Variants in ABLIM1 observed in about 807,000 individuals in gnomAD.
ABLIM1 encodes actin-binding LIM protein 1.
ABLIM1 carries 40 observed loss-of-function variants against 107.0 expected under a neutral mutation model. The observed-to-expected ratio is 0.37, with a 90% CI of 0.29 to 0.49. The LOEUF (loss-of-function observed/expected upper bound fraction) is 0.49, where lower values mean the gene tolerates loss of function less well. Ranked by LOEUF, ABLIM1 falls within the 20% of genes least tolerant of loss-of-function variation. The pLI is 0.97. For synonymous variants in ABLIM1, 357 were observed against 357.3 expected (o/e 1.00, Z 0.01); for missense variants, 857 against 1,008.5 (o/e 0.85, Z 2.04).
chr10:114,431,899 A>G lies in ABLIM1; in HGVS notation c.*4361T>C, dbSNP rs886517324. On this transcript the variant is annotated 3_prime_UTR_variant, in exon 23 of 23. Transcript: ENST00000533213. ...TTTCCATGATTAAACTTGCCCAAAT[A>G]AAAACATAACAATCCATATGCAAAG... is the stretch of plus-strand genomic sequence containing the variant. 6.6e-6 allele frequency: 1 copy of G among 152,182 alleles called. No individual in the cohort carries two copies. The allele number at this position is 152,182 out of a possible 1,614,324, so 9.4% of individuals were successfully genotyped here.
At chr10:114,718,107 AAAAG>A (rs148191988) in intron 1 of ABLIM1, among the ~76,000 whole-genome samples, 2,394 of 52,112 alleles carry the variant, frequency 0.046, 210 homozygotes, top group Non-Finnish European at 0.076. Context: ...AAGAAAAAGA[AAAAG>A]AAAGAAAGAA....
At chr10:114,578,149 A>C (rs944587345) in intron 2 of ABLIM1, among the ~76,000 whole-genome samples, 1 of 152,068 alleles carries the variant, frequency 6.6e-6, no homozygotes, top group African/African-American at 2.4e-5. Context: ...CTATAACTTT[A>C]TGCGAGGGAT....
intron 2 of ABLIM1, among the ~76,000 whole-genome samples, chr10:114,583,334 C>T (rs1187900975): frequency 6.9e-6 from 1 of 144,412 alleles, no homozygotes; most frequent in Non-Finnish European, 1.5e-5. Flanking sequence ...ACGGCTATTA[C>T]TAAAAAGTCA....
chr10:114,676,940 T>G (rs551313557), intron 1 of ABLIM1, among the ~76,000 whole-genome samples: 12 of 152,286 alleles, frequency 7.9e-5, no homozygotes, highest in African/African-American at 2.9e-4. Flanking sequence ...TTCTCCATGT[T>G]GGCCAGGCTG....
At chr10:114,605,699 A>G (rs2076363345) in intron 1 of ABLIM1, among the ~76,000 whole-genome samples, 1 of 152,172 alleles carries the variant, frequency 6.6e-6, no homozygotes, top group Non-Finnish European at 1.5e-5. Flanking sequence ...AACAATGAGG[A>G]AATACCTACA....
intron 1 of ABLIM1, among the ~76,000 whole-genome samples, chr10:114,691,124 CAG>C (rs1490730387): frequency 6.6e-6 from 1 of 152,052 alleles, no homozygotes; most frequent in Non-Finnish European, 1.5e-5. Flanking sequence ...AGCCTAAAGA[CAG>C]TAATTTTTTT....
chr10:114,506,065 T>C (rs1224599977), intron 6 of ABLIM1, among the ~76,000 whole-genome samples: 2 of 152,206 alleles, frequency 1.3e-5, no homozygotes, highest in Non-Finnish European at 2.9e-5. Flanking sequence ...CCCACCTTTG[T>C]GTCCATGTGT....
rs914267597 is a variant in ABLIM1 at position 114,549,475 on chromosome 10, C to G, written c.674-1699G>C. ...CTCCAAACTGCACCCAGAGTGGGCTCACAGTTCCTCTGGCTTCCCTCTTGC... is the reference window on the plus strand; with the variant it reads ...CTCCAAACTGCACCCAGAGTGGGCTGACAGTTCCTCTGGCTTCCCTCTTGC... On this transcript the variant is annotated intron_variant, in intron 4 of 22. Transcript: ENST00000533213. 4.6e-5 allele frequency among the ~76,000 whole-genome samples: 7 copies of G among 152,064 alleles called. 1 individual carries two copies. The highest frequency in any genetic ancestry group is 1.7e-4 in the African/African-American group (7 of 41,408).
At chr10:114,752,175 T>G (rs1205465274) in intron 1 of ABLIM1, among the ~76,000 whole-genome samples, 1 of 152,188 alleles carries the variant, frequency 6.6e-6, no homozygotes, top group East Asian at 1.9e-4. Flanking sequence ...TGGAAGAGTC[T>G]TCTGAGGTCA....
upstream of ABLIM1, among the ~76,000 whole-genome samples, chr10:114,687,624 T>C (rs976959122): frequency 6.6e-5 from 10 of 152,182 alleles, no homozygotes; most frequent in African/African-American, 2.4e-4. Context: ...CGCCTAGGCC[T>C]GCTTTGCAAT....
At chr10:114,466,538 G>A (rs1440079674) in intron 11 of ABLIM1, among the ~76,000 whole-genome samples, 1 of 152,146 alleles carries the variant, frequency 6.6e-6, no homozygotes, top group Non-Finnish European at 1.5e-5. Flanking sequence ...AGAGCCCTGT[G>A]TGTAGGCATG....
At chr10:114,615,717 T>C (rs2077087916) in intron 1 of ABLIM1, 1 of 361,970 alleles carries the variant, frequency 2.8e-6, no homozygotes, top group Non-Finnish European at 5.9e-6. Context: ...TACCTTGGGT[T>C]CACCAACAGT....
chr10:114,610,935 C>T (rs763606330), intron 1 of ABLIM1, among the ~76,000 whole-genome samples: 9 of 152,130 alleles, frequency 5.9e-5, no homozygotes, highest in Middle Eastern at 6.8e-3. Context: ...AGGCAGATCA[C>T]GAGGTCAGGA....
intron 12 of ABLIM1, among the ~76,000 whole-genome samples, chr10:114,456,177 C>T (rs756301038): frequency 2.6e-5 from 4 of 152,138 alleles, no homozygotes; most frequent in Admixed American, 2.0e-4. Flanking sequence ...TTTATTTCAA[C>T]CTAGAACACT....
chr10:114,453,578 G>A (rs959481225), intron 12 of ABLIM1, 95 bp from the exon 13 acceptor site: 2 of 997,806 alleles, frequency 2.0e-6, no homozygotes, highest in Non-Finnish European at 2.8e-6. Context: ...ACAACAGACT[G>A]GAAGGAGGTT....
chr10:114,603,225 C>T (rs1023219600), intron 1 of ABLIM1, among the ~76,000 whole-genome samples: 3 of 152,166 alleles, frequency 2.0e-5, no homozygotes, highest in Non-Finnish European at 4.4e-5. Context: ...ACAAGGAGCT[C>T]GCTGTATACC....
At chr10:114,753,918 C>T (rs1376522568) in intron 1 of ABLIM1, among the ~76,000 whole-genome samples, 1 of 152,212 alleles carries the variant, frequency 6.6e-6, no homozygotes, top group African/African-American at 2.4e-5. Flanking sequence ...ATGGCACAAT[C>T]TTGGCTCACT....
At chr10:114,615,090 A>C (rs1362618314) in intron 1 of ABLIM1, among the ~76,000 whole-genome samples, 1 of 152,040 alleles carries the variant, frequency 6.6e-6, no homozygotes, top group African/African-American at 2.4e-5. Flanking sequence ...GAAAAACACA[A>C]GTGTGTATCT....
chr10:114,586,301 A>G (rs1198130270), intron 2 of ABLIM1, among the ~76,000 whole-genome samples: 1 of 152,142 alleles, frequency 6.6e-6, no homozygotes, highest in Non-Finnish European at 1.5e-5. Flanking sequence ...GCTATGCTCT[A>G]CTTTGTGTTT....
Sources: gnomAD v4.1 joint callset for allele counts (sites outside exome capture counted in the v4.1 genomes callset) on GRCh38, gnomAD v4.1.1 for gene constraint, MANE v1.5 for transcripts, NCBI Gene and HGNC (gene_info 2026-07-23, HGNC 2026-07-21) for gene names.